Variants in KAZN observed in about 807,000 individuals in gnomAD.
KAZN encodes kazrin.
A neutral mutation model predicts 87.4 loss-of-function variants in KAZN; 40 were observed. The ratio of observed to expected loss-of-function variants is 0.46; its 90% CI spans 0.36 to 0.60. The LOEUF is 0.60. Among genes scored for constraint, KAZN ranks in the 20% least tolerant of loss-of-function variants. The probability of loss-of-function intolerance (pLI) is 0.00; values close to 1 mark genes in which losing one functional copy is unlikely to be tolerated. For missense variants in KAZN, 898 were observed against 1,073.9 expected (o/e 0.84, Z 2.29); for synonymous variants, 466 against 458.3 (o/e 1.02, Z -0.22).
chr1:13,909,005 G>T (rs10803433), intron 1 of KAZN, among the ~76,000 whole-genome samples: 76,776 of 152,056 alleles, frequency 0.5, 20,224 homozygotes, highest in East Asian at 0.69. Context: ...TCTTCTCCTC[G>T]CTTCTTGGTA....
At chr1:14,074,689 C>T (rs1044865142) in intron 1 of KAZN, among the ~76,000 whole-genome samples, 17 of 152,166 alleles carry the variant, frequency 1.1e-4, no homozygotes, top group Non-Finnish European at 1.9e-4. Flanking sequence ...GAACTGGTCT[C>T]AAGTGTATCT....
chr1:14,797,455 A>T lies in KAZN; in HGVS notation c.227-163229A>T, dbSNP rs549460611. On this transcript the variant is annotated intron_variant, in intron 1 of 14. Transcript: ENST00000376030. Reference sequence around the variant, plus strand: ...CCTGGAAGCCGTTCCAGGAGATGAGAGTCTATGAAGAGGGATCGATGTGAG... The same window carrying T: ...CCTGGAAGCCGTTCCAGGAGATGAGTGTCTATGAAGAGGGATCGATGTGAG... Among the ~76,000 whole-genome samples the T allele has an allele frequency of 2.0e-4, 31 of 152,270 alleles. No individual in the cohort carries two copies. In the South Asian group the frequency reaches 5.4e-3, roughly 26 times the overall value.
chr1:14,910,995 A>C (rs1657184738), intron 1 of KAZN, among the ~76,000 whole-genome samples: 1 of 152,188 alleles, frequency 6.6e-6, no homozygotes. Context: ...TCCCGGAGGC[A>C]TGGGCAGCTC....
At chr1:14,917,153 G>C (rs1657902139) in intron 1 of KAZN, among the ~76,000 whole-genome samples, 1 of 152,160 alleles carries the variant, frequency 6.6e-6, no homozygotes, top group South Asian at 2.1e-4. Flanking sequence ...CCCATGAAAG[G>C]CCCACAGAAG....
intron 2 of KAZN, among the ~76,000 whole-genome samples, chr1:14,592,208 CAG>C (rs1216880071): frequency 1.3e-5 from 2 of 152,142 alleles, no homozygotes; most frequent in African/African-American, 2.4e-5. Flanking sequence ...TTTGAATAAA[CAG>C]AGACTCCGTC....
At chr1:14,268,050 G>T (rs1429320793) in intron 2 of KAZN, among the ~76,000 whole-genome samples, 1 of 152,136 alleles carries the variant, frequency 6.6e-6, no homozygotes, top group African/African-American at 2.4e-5. Flanking sequence ...AATTTTTTGA[G>T]CCCAGCCTCT....
chr1:15,054,901 T>G (rs917929756), intron 4 of KAZN, among the ~76,000 whole-genome samples: 1 of 152,214 alleles, frequency 6.6e-6, no homozygotes, highest in Non-Finnish European at 1.5e-5. Context: ...CTGTCCTACA[T>G]GTTCTTGGCG....
intron 1 of KAZN, among the ~76,000 whole-genome samples, chr1:14,179,588 T>C (rs1402019627): frequency 6.6e-6 from 1 of 152,246 alleles, no homozygotes; most frequent in African/African-American, 2.4e-5. Flanking sequence ...AGTGGCTTTA[T>C]GGAGAATGCC....
chr1:14,714,539 G>A (rs1443490878), intron 1 of KAZN, among the ~76,000 whole-genome samples: 2 of 152,152 alleles, frequency 1.3e-5, no homozygotes, highest in Admixed American at 1.3e-4. Flanking sequence ...TGTTTGTGGA[G>A]AGAGCAGACA....
intron 1 of KAZN, among the ~76,000 whole-genome samples, chr1:14,077,052 G>C (rs1277087564): frequency 6.6e-6 from 1 of 152,086 alleles, no homozygotes; most frequent in Non-Finnish European, 1.5e-5. Flanking sequence ...CTTCCTGATT[G>C]CTCTTCATCT....
intron 1 of KAZN, among the ~76,000 whole-genome samples, chr1:14,932,026 G>A (rs1659887755): frequency 6.6e-6 from 1 of 152,172 alleles, no homozygotes; most frequent in Non-Finnish European, 1.5e-5. Context: ...GGAGGCTTTG[G>A]TGGTAGCTGT....
intron 2 of KAZN, among the ~76,000 whole-genome samples, chr1:14,327,445 CCT>C (rs1371991914): frequency 1.3e-5 from 2 of 152,086 alleles, no homozygotes; most frequent in African/African-American, 4.8e-5. Context: ...TGGCGAATTC[CCT>C]CTCATCCCCC....
At chr1:14,413,086 A>T (rs1291276646) in intron 2 of KAZN, among the ~76,000 whole-genome samples, 1 of 149,846 alleles carries the variant, frequency 6.7e-6, no homozygotes, top group African/African-American at 2.4e-5. Flanking sequence ...CCATTTGTTT[A>T]TATATAATAT....
chr1:14,558,086 TC>T (rs1454813084), intron 2 of KAZN, among the ~76,000 whole-genome samples: 2 of 152,080 alleles, frequency 1.3e-5, no homozygotes, highest in Non-Finnish European at 2.9e-5. Flanking sequence ...AAAGAAAGAA[TC>T]CCTTCTTCTT....
chr1:14,731,682 T>G (rs1202532705), intron 1 of KAZN, among the ~76,000 whole-genome samples: 1 of 152,124 alleles, frequency 6.6e-6, no homozygotes. Context: ...ACACAGCTAG[T>G]GGGTAGCAGA....
intron 1 of KAZN, among the ~76,000 whole-genome samples, chr1:14,148,887 G>C: frequency 6.6e-6 from 1 of 152,106 alleles, no homozygotes; most frequent in East Asian, 1.9e-4. Flanking sequence ...GTATGTGTTT[G>C]ACAAAGAACA....
chr1:14,587,384 C>T (rs1166272016), intron 2 of KAZN, among the ~76,000 whole-genome samples: 2 of 148,720 alleles, frequency 1.3e-5, no homozygotes, highest in African/African-American at 5.0e-5. Context: ...TGCAGTGAGC[C>T]GAGATTGTGC....
rs192859277 is a variant in KAZN at position 15,035,726 on chromosome 1, G to A, written c.555+841G>A. The stretch of plus-strand genomic sequence containing the variant: ...ATTGTGGTGCACACCTACAGTCCCA[G>A]CTACTCAGGAGGCTGAGGCACAGAA... On this transcript the variant is annotated intron_variant, in intron 3 of 14. Coordinates refer to ENST00000376030, the MANE Select transcript of KAZN (RefSeq NM_201628.3). Among the ~76,000 whole-genome samples the A allele has an allele frequency of 1.2e-4, 19 of 152,266 alleles. No individual in the cohort carries two copies. The East Asian group carries it at 3.7e-3, about 29-fold the overall frequency.
At chr1:15,065,533 C>A in intron 7 of KAZN, 97 bp from the exon 8 acceptor site, 1 of 1,089,708 alleles carries the variant, frequency 9.2e-7, no homozygotes, top group Non-Finnish European at 1.3e-6. Flanking sequence ...GAGAGGCCTT[C>A]CCCACCCCGG....
Sources: allele counts gnomAD v4.1 joint callset (sites outside exome capture counted in the v4.1 genomes callset), GRCh38; gene constraint gnomAD v4.1.1; transcripts MANE v1.5; gene names NCBI Gene and HGNC (gene_info 2026-07-23, HGNC 2026-07-21).